The following RALYL variants were observed in gnomAD, a reference collection of about 807,000 sequenced individuals.
The protein encoded by RALYL is RNA-binding Raly-like protein.
A neutral mutation model predicts 35.1 loss-of-function variants in RALYL; 29 were observed. The ratio of observed to expected loss-of-function variants is 0.83; its 90% confidence interval spans 0.61 to 1.13. The LOEUF (loss-of-function observed/expected upper bound fraction) is 1.13, where lower values mean the gene tolerates loss of function less well. RALYL is among the 50% of genes most tolerant of loss of function. RALYL has a pLI of 0.00. For synonymous variants in RALYL, 120 were observed against 127.6 expected (o/e 0.94, Z 0.40); for missense variants, 359 against 360.4 (o/e 1.00, Z 0.03).
intron 1 of RALYL, among the ~76,000 whole-genome samples, chr8:84,440,628 C>T (rs1276368772): frequency 1.3e-5 from 2 of 152,078 alleles, no homozygotes; most frequent in Non-Finnish European, 2.9e-5. Flanking sequence ...CTTGCTTCTT[C>T]TTTCACTAAG....
intron 2 of RALYL, among the ~76,000 whole-genome samples, chr8:84,621,181 C>T (rs1422547170): frequency 6.6e-6 from 1 of 152,200 alleles, no homozygotes; most frequent in African/African-American, 2.4e-5. Flanking sequence ...GGGTGCCCCT[C>T]CCCCAGCCTT....
At chr8:84,657,887 C>T (rs1187281724) in intron 2 of RALYL, among the ~76,000 whole-genome samples, 1 of 152,106 alleles carries the variant, frequency 6.6e-6, no homozygotes, top group Non-Finnish European at 1.5e-5. Flanking sequence ...ATATAGATTG[C>T]TGTCCTTTTA....
At chr8:84,371,548 CA>C (rs1277990329) in intron 1 of RALYL, among the ~76,000 whole-genome samples, 1 of 150,248 alleles carries the variant, frequency 6.7e-6, no homozygotes, top group Non-Finnish European at 1.5e-5. Context: ...ATCACACACA[CA>C]CACACACACA....
At chr8:84,594,754 A>G (rs1341525644) in intron 2 of RALYL, among the ~76,000 whole-genome samples, 1 of 152,076 alleles carries the variant, frequency 6.6e-6, no homozygotes, top group African/African-American at 2.4e-5. Context: ...ATTGCAGCCT[A>G]TTGATCCTAG....
intron 8 of RALYL, among the ~76,000 whole-genome samples, chr8:84,890,810 AAC>A (rs942879564): frequency 2.0e-5 from 3 of 148,736 alleles, no homozygotes; most frequent in Non-Finnish European, 3.0e-5. Flanking sequence ...GCAAAAAAAA[AAC>A]AATAAATAAA....
At chr8:84,382,388 A>G (rs1858204751) in intron 1 of RALYL, among the ~76,000 whole-genome samples, 1 of 151,794 alleles carries the variant, frequency 6.6e-6, no homozygotes, top group Admixed American at 6.6e-5. Flanking sequence ...TGTAATACAT[A>G]CTGATGCATA....
chr8:84,462,195 C>T (rs1199022387), intron 1 of RALYL, among the ~76,000 whole-genome samples: 2 of 150,914 alleles, frequency 1.3e-5, no homozygotes, highest in Non-Finnish European at 3.0e-5. Flanking sequence ...AATTTCCAAT[C>T]GCCTAATGAT....
At chr8:84,732,668 T>TTATATATATA (rs1554553641) in intron 2 of RALYL, among the ~76,000 whole-genome samples, 3 of 132,494 alleles carry the variant, frequency 2.3e-5, no homozygotes, top group African/African-American at 9.5e-5. Flanking sequence ...TATTAAATAA[T>TTATATATATA]TATATATATA....
intron 1 of RALYL, among the ~76,000 whole-genome samples, chr8:84,346,751 C>A (rs1369517912): frequency 6.6e-6 from 1 of 151,902 alleles, no homozygotes; most frequent in East Asian, 1.9e-4. Flanking sequence ...TCTTTACAGG[C>A]CTATGAGTAT....
At chr8:84,608,258 T>C (rs1197625348) in intron 2 of RALYL, among the ~76,000 whole-genome samples, 1 of 152,058 alleles carries the variant, frequency 6.6e-6, no homozygotes, top group Non-Finnish European at 1.5e-5. Context: ...GGGTAAACTG[T>C]TGGTGGATGT....
At chr8:84,305,423 A>T (rs1841592036) in intron 1 of RALYL, among the ~76,000 whole-genome samples, 1 of 152,348 alleles carries the variant, frequency 6.6e-6, no homozygotes, top group Middle Eastern at 3.4e-3. Flanking sequence ...ATTAAAAAAC[A>T]GTTATCTTAA....
At chr8:84,492,268 C>A (rs377278958) in intron 1 of RALYL, among the ~76,000 whole-genome samples, 8 of 152,104 alleles carry the variant, frequency 5.3e-5, no homozygotes, top group African/African-American at 1.9e-4. Flanking sequence ...AACCAGAACA[C>A]CAATCCCTAC....
chr8:84,228,571 G>T (rs774644459), intron 1 of RALYL, among the ~76,000 whole-genome samples: 5 of 152,212 alleles, frequency 3.3e-5, no homozygotes, highest in African/African-American at 4.8e-5. Flanking sequence ...TATGTCTTAG[G>T]ATAGTAGGGA....
intron 4 of RALYL, among the ~76,000 whole-genome samples, chr8:84,843,192 T>C (rs1318783866): frequency 6.6e-6 from 1 of 152,168 alleles, no homozygotes; most frequent in South Asian, 2.1e-4. Flanking sequence ...TGTTTGCAGA[T>C]GACATGATTG....
chr8:84,726,379 T>C (rs377536971), intron 2 of RALYL, among the ~76,000 whole-genome samples: 3 of 149,424 alleles, frequency 2.0e-5, no homozygotes, highest in African/African-American at 7.3e-5. Flanking sequence ...TCCTTACAGA[T>C]AATGGTTGAA....
At chr8:84,830,217 T>C (rs1042066081) in intron 4 of RALYL, among the ~76,000 whole-genome samples, 8 of 152,144 alleles carry the variant, frequency 5.3e-5, no homozygotes, top group African/African-American at 1.7e-4. Context: ...TGAATGATCA[T>C]AAAAACCCTG....
intron 2 of RALYL, among the ~76,000 whole-genome samples, chr8:84,542,319 G>T (rs1225632127): frequency 2.0e-5 from 3 of 151,938 alleles, no homozygotes; most frequent in African/African-American, 4.8e-5. Context: ...ATTTCAGCAT[G>T]CATGTGTGTA....
chr8:84,785,441 T>A (rs1168965364), intron 3 of RALYL, among the ~76,000 whole-genome samples: 1 of 152,176 alleles, frequency 6.6e-6, no homozygotes, highest in Non-Finnish European at 1.5e-5. Flanking sequence ...CTTACTTTAT[T>A]TCCATTTCTA....
chr8:84,749,818 A>T (rs902554880), intron 2 of RALYL, among the ~76,000 whole-genome samples: 4 of 152,192 alleles, frequency 2.6e-5, no homozygotes, highest in African/African-American at 9.6e-5. Context: ...AGCTGAATTC[A>T]ATTCTGTGAA....
Sources: gnomAD v4.1 joint callset for allele counts (sites outside exome capture counted in the v4.1 genomes callset) on GRCh38, gnomAD v4.1.1 for gene constraint, MANE v1.5 for transcripts, NCBI Gene and HGNC (gene_info 2026-07-23, HGNC 2026-07-21) for gene names.